Variants in SLIT1 observed in about 807,000 individuals in gnomAD.
The protein encoded by SLIT1 is slit guidance ligand 1, also known as slit homolog 1 protein.
SLIT1 carries 66 observed loss-of-function variants against 186.1 expected under a neutral mutation model. The observed-to-expected ratio is 0.35, with a 90% CI of 0.29 to 0.44. The LOEUF (loss-of-function observed/expected upper bound fraction) is 0.44. Among genes scored for constraint, SLIT1 ranks in the 20% least tolerant of loss-of-function variants. The pLI is 1.00. For missense variants in SLIT1, 1,638 were observed against 2,037.4 expected (o/e 0.80, Z 3.77); for synonymous variants, 761 against 833.8 (o/e 0.91, Z 1.50).
intron 1 of SLIT1, among the ~76,000 whole-genome samples, chr10:97,174,526 A>C (rs1402728032): frequency 2.0e-5 from 3 of 152,218 alleles, no homozygotes; most frequent in Non-Finnish European, 4.4e-5. Context: ...CTGACATGTG[A>C]CCAGTGGGGA....
At chr10:97,138,846 A>G (rs970405599) in intron 4 of SLIT1, among the ~76,000 whole-genome samples, 1 of 152,188 alleles carries the variant, frequency 6.6e-6, no homozygotes, top group African/African-American at 2.4e-5. Context: ...TTTACATTCC[A>G]GTGTTTTTTC....
chr10:97,069,109 T>G (rs1315921447), intron 4 of SLIT1, among the ~76,000 whole-genome samples: 1 of 152,244 alleles, frequency 6.6e-6, no homozygotes, highest in Non-Finnish European at 1.5e-5. Context: ...CTAAGTGGGA[T>G]GCTGCCACTG....
In SLIT1 at chr10:97,037,450, TGGGGAGAC is replaced by T. The variant is rs572343526; in HGVS notation, c.2366+240_2366+247del. ...CACGACCAGCCTCACGGGGGAGCTTTGGGGAGACGGCGTGGGCAGGAGGAGGAGGCAGG... is the reference window on the plus strand; with the variant it reads ...CACGACCAGCCTCACGGGGGAGCTTTGGCGTGGGCAGGAGGAGGAGGCAGG... On this transcript the variant is annotated intron_variant, in intron 22 of 36. Coordinates refer to ENST00000266058, the MANE Select transcript of SLIT1 (RefSeq NM_003061.3). Among the ~76,000 whole-genome samples the T allele has an allele frequency of 4.6e-4, 70 of 152,080 alleles. No individual in the cohort carries two copies. In the East Asian group the frequency reaches 0.013, roughly 28 times the overall value.
chr10:97,001,382 A>G, intron 36 of SLIT1, 32 bp from the exon 37 acceptor site: 1 of 1,563,770 alleles, frequency 6.4e-7, no homozygotes, highest in Non-Finnish European at 8.8e-7. Context: ...AGAAAGCCTC[A>G]GGGCACACCC....
Position 97,021,521 on chromosome 10 carries a change from C to T in SLIT1, c.2583-108G>A. 1.0e-6 allele frequency: 1 copy of T among 994,840 alleles called. No homozygotes were observed. Among genetic ancestry groups the T allele is most frequent in the South Asian group, 1.7e-5 (1 of 58,606 alleles). 61.6% of individuals were successfully genotyped at this position (994,840 alleles called of 1,614,324 possible). A position where few individuals can be genotyped will look rare whatever the true frequency, so the allele number is the denominator to read the frequency against. On this transcript the variant is annotated intron_variant, in intron 25 of 36. Coordinates refer to ENST00000266058, the MANE Select transcript of SLIT1 (RefSeq NM_003061.3). The surrounding 1 kb of genome is among the most constrained non-coding windows in gnomAD (Gnocchi z 4.5). ...ACCAGGGGCTGGCAAAAATCTTAGC[C>T]TCCATTTCATGAGCATTTACTGTAT...
At chr10:97,036,550 C>T (rs569562483) in intron 22 of SLIT1, among the ~76,000 whole-genome samples, 5 of 152,344 alleles carry the variant, frequency 3.3e-5, no homozygotes, top group African/African-American at 7.2e-5. Context: ...TTAGTTTACG[C>T]GAACATTGTT....
rs59578209 is a variant in SLIT1 at position 97,037,048 on chromosome 10, TTGTGTGTGTG to T, written c.2366+640_2366+649del. On this transcript the variant is annotated intron_variant, in intron 22 of 36. Transcript: ENST00000266058. ...CCTAACCTTGCAAGAATAACCCCCT[TTGTGTGTGTG>T]TGTGTGTGTGTGTGTGTGTGTGTGT... 4.7e-3 allele frequency among the ~76,000 whole-genome samples: 550 copies of T among 116,946 alleles called. 3 individuals are homozygous for T. Among genetic ancestry groups the T allele is most frequent in the Middle Eastern group, 8.5e-3 (2 of 236 alleles). 76.7% of individuals were successfully genotyped at this position (116,946 alleles called of 152,430 possible). A position where few individuals can be genotyped will look rare whatever the true frequency, so the allele number is the denominator to read the frequency against.
chr10:97,018,601 T>G lies in SLIT1; in HGVS notation c.2954A>C (p.Glu985Ala). ...NGGTCHAQEGEDAPFTCSCPT... is the reference protein window; with the variant it reads ...NGGTCHAQEGADAPFTCSCPT... Reference sequence around the variant, plus strand: ...GGTAACTCACGTGAACGGGGCATCCTCGCCCTCCTGTGCATGGCAGGTGCC... The same window carrying G: ...GGTAACTCACGTGAACGGGGCATCCGCGCCCTCCTGTGCATGGCAGGTGCC... Residue 985 changes from glutamate to alanine, a missense_variant, in exon 28 of 37, where the codon GAG (glutamate) becomes GCG (alanine). Glu to Ala is a moderately radical substitution (Grantham distance 107). This residue lies in a region of SLIT1 where 1,245 missense variants were observed against 1,535.3 expected (regional missense o/e 0.81). Transcript: ENST00000266058. 1 of 1,586,010 alleles carries G rather than the reference T, an allele frequency of 6.3e-7. No individual in the cohort carries two copies. Among genetic ancestry groups the G allele is most frequent in the Non-Finnish European group, 8.6e-7 (1 of 1,165,688 alleles).
intron 28 of SLIT1, among the ~76,000 whole-genome samples, chr10:97,015,210 G>A (rs1217784527): frequency 6.6e-6 from 1 of 152,218 alleles, no homozygotes; most frequent in East Asian, 1.9e-4. Flanking sequence ...AGACTGGGGG[G>A]TGATGGGACA....
chr10:97,099,436 GA>G (rs940543837), intron 4 of SLIT1, among the ~76,000 whole-genome samples: 1 of 148,716 alleles, frequency 6.7e-6, no homozygotes, highest in Non-Finnish European at 1.5e-5. Flanking sequence ...TGCACAAAGA[GA>G]AAAAGACTCC....
chr10:97,152,752 C>T (rs1219351055), intron 4 of SLIT1, among the ~76,000 whole-genome samples: 1 of 152,234 alleles, frequency 6.6e-6, no homozygotes, highest in East Asian at 1.9e-4. Flanking sequence ...CACCCACAGA[C>T]AATCCCTGTT....
chr10:97,173,261 G>A (rs1279886487), intron 1 of SLIT1, among the ~76,000 whole-genome samples: 1 of 152,196 alleles, frequency 6.6e-6, no homozygotes, highest in Non-Finnish European at 1.5e-5. Flanking sequence ...GGTGGAACGG[G>A]GCAGGTCCCT....
intron 4 of SLIT1, among the ~76,000 whole-genome samples, chr10:97,120,998 A>G (rs2636817): frequency 0.46 from 70,534 of 151,904 alleles, 19,145 homozygotes; most frequent in Non-Finnish European, 0.6. Context: ...CTGTCCCACC[A>G]AAACTATTAG....
At chr10:97,162,569 C>T (rs1363565041) in intron 3 of SLIT1, among the ~76,000 whole-genome samples, 2 of 152,102 alleles carry the variant, frequency 1.3e-5, no homozygotes, top group East Asian at 1.9e-4. Context: ...GCCGAGATCA[C>T]GCCACTGCAC....
chr10:97,052,860 A>ATTCT (rs1848802268), intron 13 of SLIT1, among the ~76,000 whole-genome samples: 3 of 152,146 alleles, frequency 2.0e-5, no homozygotes, highest in Admixed American at 1.3e-4. Context: ...TTGGATTTCT[A>ATTCT]TTTCTTTTAT....
chr10:97,132,736 C>T (rs940681721), intron 4 of SLIT1, among the ~76,000 whole-genome samples: 10 of 152,218 alleles, frequency 6.6e-5, no homozygotes, highest in African/African-American at 2.2e-4. Context: ...TGTGCCAGGA[C>T]GCTGGAGTTT....
At chr10:97,083,180 CCA>C (rs1200836074) in intron 4 of SLIT1, among the ~76,000 whole-genome samples, 4 of 152,132 alleles carry the variant, frequency 2.6e-5, no homozygotes, top group Non-Finnish European at 2.9e-5. Flanking sequence ...AGCGATGCTC[CCA>C]CCTCAGCCTC....
rs777495416 is a variant in SLIT1 at position 97,181,372 on chromosome 10, C to T, written c.197+4106G>A. On this transcript the variant is annotated intron_variant, in intron 1 of 36. Transcript: ENST00000266058. ...ATTATTATTTGGAATTTCAAACAGG[C>T]TCCCCAGAGGATCAGCCTCAGGTGC... Among the ~76,000 whole-genome samples the T allele has an allele frequency of 1.4e-3, 207 of 152,256 alleles. 5 individuals are homozygous for T. Among genetic ancestry groups the T allele is most frequent in the Non-Finnish European group, 3.2e-4 (22 of 68,050 alleles).
intron 4 of SLIT1, among the ~76,000 whole-genome samples, chr10:97,141,273 C>G (rs867133126): frequency 6.6e-6 from 1 of 152,214 alleles, no homozygotes; most frequent in Admixed American, 6.5e-5. Context: ...TCCACTTCCA[C>G]CCCTGGACCC....
Sources: allele counts gnomAD v4.1 joint callset (sites outside exome capture counted in the v4.1 genomes callset), GRCh38; gene constraint gnomAD v4.1.1; regional missense constraint gnomAD v4.1.1; non-coding constraint Gnocchi (gnomAD v3.1); transcripts MANE v1.5; gene names NCBI Gene and HGNC (gene_info 2026-07-23, HGNC 2026-07-21).